Variants in TPRG1 observed in about 807,000 individuals in gnomAD.
TPRG1 encodes tumor protein p63 regulated 1, also known as tumor protein p63-regulated gene 1 protein.
TPRG1 carries 29 observed loss-of-function variants against 29.3 expected under a neutral mutation model. The ratio of observed to expected loss-of-function variants is 0.99; its 90% CI spans 0.74 to 1.35. The LOEUF (loss-of-function observed/expected upper bound fraction) is 1.35. Ranked by LOEUF, TPRG1 falls within the 40% of genes most tolerant of loss-of-function variation. The pLI, the probability that TPRG1 is intolerant of heterozygous loss-of-function variation, is 0.00. For missense variants in TPRG1, 327 were observed against 335.0 expected (o/e 0.98, Z 0.19); for synonymous variants, 130 against 116.8 (o/e 1.11, Z -0.73).
At chr3:189,214,484 A>G (rs1024399734) in intron 2 of TPRG1, among the ~76,000 whole-genome samples, 3 of 151,808 alleles carry the variant, frequency 2.0e-5, no homozygotes, top group South Asian at 2.1e-4. Context: ...AGAGTCATCT[A>G]TTCCTGCCAG....
intron 4 of TPRG1, among the ~76,000 whole-genome samples, chr3:189,149,715 G>A (rs557713539): frequency 6.6e-6 from 1 of 152,182 alleles, no homozygotes; most frequent in Admixed American, 6.5e-5. Flanking sequence ...TCTGCATGGT[G>A]GGGTCAGTTT....
At chr3:189,218,262 C>T (rs905726649) in intron 3 of TPRG1, among the ~76,000 whole-genome samples, 1 of 152,024 alleles carries the variant, frequency 6.6e-6, no homozygotes, top group African/African-American at 2.4e-5. Context: ...TACAGGCACC[C>T]GCCACCACAC....
rs542475701 is a variant in TPRG1 at position 189,045,302 on chromosome 3, G to A, written c.-463+21356G>A. Among the ~76,000 whole-genome samples, 4 of 152,320 alleles carry A rather than the reference G, an allele frequency of 2.6e-5. No individual in the cohort carries two copies. In the South Asian group the frequency reaches 8.3e-4, roughly 32 times the overall value. ...ATTGCAGTGTACTCATCAAAGTCCA[G>A]GTCCAATCTTCTACTTCATCTATAC... On this transcript the variant is annotated intron_variant, in intron 4 of 10. Coordinates refer to the TPRG1 transcript ENST00000433971.
chr3:189,311,340 A>G (rs1225440468), intron 5 of TPRG1, among the ~76,000 whole-genome samples: 1 of 152,162 alleles, frequency 6.6e-6, no homozygotes, highest in Admixed American at 6.5e-5. Flanking sequence ...TCTGTCATTC[A>G]TTTCAGAATA....
chr3:189,022,881 C>A (rs1052890946), intron 3 of TPRG1, among the ~76,000 whole-genome samples: 2 of 152,252 alleles, frequency 1.3e-5, no homozygotes, highest in South Asian at 4.1e-4. Context: ...ATCAGCGAGA[C>A]TCCGTGGGGT....
intron 4 of TPRG1, among the ~76,000 whole-genome samples, chr3:189,285,956 A>ATGTTAGTCT (rs1448060765): frequency 7.2e-4 from 109 of 151,040 alleles, no homozygotes; most frequent in African/African-American, 2.5e-3. Flanking sequence ...TGTCTCCTGC[A>ATGTTAGTCT]TGTTAGTCTT....
At chr3:189,106,186 C>A (rs542752758) in intron 1 of TPRG1, among the ~76,000 whole-genome samples, 1 of 152,246 alleles carries the variant, frequency 6.6e-6, no homozygotes, top group Admixed American at 6.5e-5. Flanking sequence ...AGTATGAGAT[C>A]ATTATGATGA....
chr3:189,090,651 A>G (rs1160754539), intron 4 of TPRG1, among the ~76,000 whole-genome samples: 3 of 151,978 alleles, frequency 2.0e-5, no homozygotes, highest in African/African-American at 7.2e-5. Flanking sequence ...TATTTAAAAA[A>G]CTTTTCCCCT....
chr3:189,008,201 C>T (rs568938114), intron 3 of TPRG1, among the ~76,000 whole-genome samples: 1 of 151,942 alleles, frequency 6.6e-6, no homozygotes, highest in Non-Finnish European at 1.5e-5. Context: ...GTGAGAGGGG[C>T]CAATGGGGTG....
chr3:189,051,023 C>G (rs991876109), intron 4 of TPRG1, among the ~76,000 whole-genome samples: 2 of 152,236 alleles, frequency 1.3e-5, no homozygotes. Context: ...AGAACTGGAA[C>G]AAGAAAAGGA....
intron 4 of TPRG1, among the ~76,000 whole-genome samples, chr3:189,072,894 A>G (rs1287676247): frequency 6.6e-6 from 1 of 152,168 alleles, no homozygotes; most frequent in African/African-American, 2.4e-5. Flanking sequence ...CCTTACTCAC[A>G]TCGTCCCAGA....
intron 3 of TPRG1, among the ~76,000 whole-genome samples, chr3:189,018,725 G>C (rs1713104617): frequency 6.6e-6 from 1 of 151,586 alleles, no homozygotes; most frequent in South Asian, 2.1e-4. Flanking sequence ...CTCTTTTTTG[G>C]TTCCATATGA....
At chr3:189,180,606 G>A (rs1375322045) in intron 1 of TPRG1, among the ~76,000 whole-genome samples, 1 of 152,212 alleles carries the variant, frequency 6.6e-6, no homozygotes, top group South Asian at 2.1e-4. Context: ...TCACACTGAT[G>A]CAAGAGGTAG....
intron 3 of TPRG1, among the ~76,000 whole-genome samples, chr3:189,013,870 A>G (rs1712779537): frequency 6.6e-6 from 1 of 151,824 alleles, no homozygotes; most frequent in Non-Finnish European, 1.5e-5. Flanking sequence ...TTTTTCATCC[A>G]TCCCTTAATT....
At chr3:189,190,716 C>G (rs1731564973) in intron 1 of TPRG1, among the ~76,000 whole-genome samples, 2 of 152,152 alleles carry the variant, frequency 1.3e-5, no homozygotes, top group African/African-American at 2.4e-5. Context: ...GGCCTGGCAT[C>G]AATGTGCATA....
intron 1 of TPRG1, among the ~76,000 whole-genome samples, chr3:189,101,884 C>T (rs75475548): frequency 0.027 from 4,101 of 152,028 alleles, 179 homozygotes; most frequent in African/African-American, 0.091. Context: ...CAGATTTTTA[C>T]GTACATCTTT....
At chr3:189,244,317 G>T (rs1270178624) in intron 4 of TPRG1, among the ~76,000 whole-genome samples, 1 of 151,842 alleles carries the variant, frequency 6.6e-6, no homozygotes, top group Non-Finnish European at 1.5e-5. Context: ...GTAATCCCAG[G>T]CTGAGACAGG....
intron 4 of TPRG1, among the ~76,000 whole-genome samples, chr3:189,071,629 T>C (rs543385792): frequency 1.8e-4 from 28 of 152,292 alleles, no homozygotes; most frequent in African/African-American, 6.5e-4. Context: ...TACAGAGTAA[T>C]AGCTCCAGCA....
At chr3:189,151,111 T>C (rs560574966) in intron 5 of TPRG1, 50 of 152,324 alleles carry the variant, frequency 3.3e-4, no homozygotes, top group African/African-American at 1.2e-3. Flanking sequence ...AATTTTCAAT[T>C]AATAAAAGTT....
Sources: gnomAD v4.1 joint callset for allele counts (sites outside exome capture counted in the v4.1 genomes callset) on GRCh38, gnomAD v4.1.1 for gene constraint, MANE v1.5 for transcripts, NCBI Gene and HGNC (gene_info 2026-07-23, HGNC 2026-07-21) for gene names.